The following NPIPB4 variants were observed in gnomAD, a reference collection of about 807,000 sequenced individuals.
The protein encoded by NPIPB4 is nuclear pore complex interacting protein family member B4, also known as nuclear pore complex-interacting protein family member B4.
For synonymous variants in NPIPB4, 31 were observed against 194.1 expected, an observed-to-expected ratio of 0.16 and a Z score of 6.99; for missense variants, 105 against 513.7, an observed-to-expected ratio of 0.20 and a Z score of 7.69.
intron 2 of NPIPB4, among the ~76,000 whole-genome samples, chr16:21,850,391 G>A (rs1279751967): frequency 5.3e-5 from 8 of 151,492 alleles, no homozygotes; most frequent in Non-Finnish European, 7.4e-5. Context: ...GGTGGCTCAC[G>A]CCTGTAATCC....
At chr16:21,850,756 G>T (rs1378650589) in intron 2 of NPIPB4, among the ~76,000 whole-genome samples, 2 of 84,086 alleles carry the variant, frequency 2.4e-5, no homozygotes, top group East Asian at 4.0e-4. Flanking sequence ...CATTTTCTTT[G>T]TTAAAAACAA....
Position 21,843,600 on chromosome 16 carries a change from A to AGG in NPIPB4, c.350-20_350-19insCC. The AGG allele has an allele frequency of 1.3e-5, 3 of 236,144 alleles. No homozygotes were observed. Among genetic ancestry groups the AGG allele is most frequent in the Non-Finnish European group, 1.7e-5 (2 of 118,072 alleles). The allele number at this position is 236,144 out of a possible 1,614,324, so 14.6% of individuals were successfully genotyped here. A position where few individuals can be genotyped will look rare whatever the true frequency, so the allele number is the denominator to read the frequency against. On this transcript the variant is annotated intron_variant, in intron 4 of 7. Coordinates refer to ENST00000682606, the MANE Select transcript of NPIPB4 (RefSeq NM_001384980.1). Reference sequence around the variant, plus strand: ...CTCAGCCCTTGGTGAGAGTGAGGAGAAGAGAAGGTGAGAAACCTGAGGGCA... The same window carrying AGG: ...CTCAGCCCTTGGTGAGAGTGAGGAGAGGAGAGAAGGTGAGAAACCTGAGGGCA...
intron 2 of NPIPB4, among the ~76,000 whole-genome samples, chr16:21,850,302 G>A (rs1902389897): frequency 1.3e-5 from 2 of 148,582 alleles, no homozygotes; most frequent in Non-Finnish European, 3.0e-5. Flanking sequence ...GATCTTGAAA[G>A]GGGGTTGGTT....
Position 21,847,413 on chromosome 16 carries a change from C to A in NPIPB4, c.249G>T (p.Trp83Cys), listed in dbSNP as rs1902160054. 1.3e-6 allele frequency: 2 copies of A among 1,575,402 alleles called. No individual in the cohort carries two copies. The highest frequency in any genetic ancestry group is 1.1e-5 in the South Asian group (1 of 87,228). Residue 83 changes from tryptophan to cysteine, a missense_variant and splice_region_variant, in exon 3 of 8, where the codon TGG becomes TGT. Coordinates refer to ENST00000682606, the MANE Select transcript of NPIPB4 (RefSeq NM_001384980.1). ...CTCTACAGAAAGTTAGTATACTCAC[C>A]CAAAGGTAAACTATCCAGAGGGTAA... ...VVITLWIVYL[W>C]VSLLKTIFWS...
At chr16:21,856,124 C>G (rs1339618987) in intron 2 of NPIPB4, among the ~76,000 whole-genome samples, 2 of 240 alleles carry the variant, frequency 8.3e-3, no homozygotes. Flanking sequence ...ACTAAGAATA[C>G]AAAAATTAGC....
rs768303069 is a variant in NPIPB4 at position 21,837,422 on chromosome 16, G to A, written c.965C>T (p.Thr322Ile). The A allele has an allele frequency of 5.1e-5, 75 of 1,475,616 alleles. 6 individuals carry two copies. The highest frequency in any genetic ancestry group is 6.1e-5 in the Non-Finnish European group (70 of 1,138,654). 91.4% of individuals were successfully genotyped at this position (1,475,616 alleles called of 1,614,324 possible). The part of the protein sequence containing the change: ...LPPSADDNLK[T>I]PPECLLTPLP... ...GGGAGTGAGGAGACACTCAGGAGGT[G>A]TCTTGAGATTATCATCCGCTGAGGG... Residue 322 changes from threonine (T) to isoleucine (I), a missense_variant, in exon 8 of 8, where the codon ACA becomes ATA. Thr to Ile is a moderately conservative substitution (Grantham distance 89). Coordinates refer to ENST00000682606, the MANE Select transcript of NPIPB4 (RefSeq NM_001384980.1).
chr16:21,841,733 AG>A (rs1901803035), intron 5 of NPIPB4, among the ~76,000 whole-genome samples: 1 of 138,890 alleles, frequency 7.2e-6, no homozygotes, highest in Non-Finnish European at 1.5e-5. Flanking sequence ...ATGGAGAAGA[AG>A]GAAACCCAGG....
In NPIPB4 at chr16:21,836,644, C is replaced by G; in HGVS notation, c.1743G>C (p.Glu581Asp). The change falls in exon 8 of 8, where the codon GAG (glutamate) becomes GAC (aspartate). Residue 581 changes from glutamate to aspartate, a missense_variant. Physicochemically the swap from Glu to Asp is conservative, Grantham distance 45. Transcript: ENST00000682606. The stretch of plus-strand genomic sequence containing the variant: ...AGGGTGGAAGCGGCCCCCGCAGACG[C>G]TCGGCAGGTGTCTTGATATTATCAT... ...SADDNIKTPAERLRGPLPPSA... is the reference protein window; with the variant it reads ...SADDNIKTPADRLRGPLPPSA... 3.4e-6 allele frequency: 1 copy of G among 294,218 alleles called. No individual in the cohort carries two copies. 18.2% of individuals were successfully genotyped at this position (294,218 alleles called of 1,614,324 possible).
chr16:21,841,963 G>C (rs1427158250), intron 5 of NPIPB4, among the ~76,000 whole-genome samples: 2 of 151,652 alleles, frequency 1.3e-5, no homozygotes, highest in Non-Finnish European at 2.9e-5. Flanking sequence ...GAATAAAGGT[G>C]GACAGGAAAT....
At chr16:21,852,165 AC>A (rs1411432850) in intron 2 of NPIPB4, 1 of 641,358 alleles carries the variant, frequency 1.6e-6, no homozygotes, top group Non-Finnish European at 2.6e-6. Context: ...CAATCAAATC[AC>A]ACAGCATGTT....
rs1597908464 is a variant in NPIPB4, at chr16:21,837,447, G to T, written c.940C>A (p.Pro314Thr). ...GTCTTGAGATTATCATCCGCTGAGG[G>T]TGGAAGGGGAGTGAGCACACACTCG... is the stretch of plus-strand genomic sequence containing the variant. Reference protein sequence around the residue: ...PPECVLTPLPPSADDNLKTPP... With the variant: ...PPECVLTPLPTSADDNLKTPP... The change falls in exon 8 of 8, where the codon CCC (proline) becomes ACC (threonine). Residue 314 changes from proline (P) to threonine (T), a missense_variant. Pro to Thr is a conservative substitution (Grantham distance 38). Transcript: ENST00000682606. 7.0e-7 allele frequency: 1 copy of T among 1,430,984 alleles called. No individual in the cohort carries two copies. Among genetic ancestry groups the T allele is most frequent in the Non-Finnish European group, 9.1e-7 (1 of 1,103,420 alleles). The allele number at this position is 1,430,984 out of a possible 1,614,324, so 88.6% of individuals were successfully genotyped here.
Position 21,836,376 on chromosome 16 carries a change from T to A in NPIPB4, c.2011A>T (p.Ile671Leu), listed in dbSNP as rs1201655829. ...CGFRFHHQPM[I>L]ISRHLPSVSS... ...ACGCTCGGAAGGTGTCTTGAGATTA[T>A]CATCGGCTGATGGTGGAAGCGGAAT... Residue 671 changes from isoleucine (I) to leucine (L), a missense_variant, in exon 8 of 8, where the codon ATA becomes TTA. Physicochemically the swap from Ile to Leu is conservative, Grantham distance 5. Coordinates refer to ENST00000682606, the MANE Select transcript of NPIPB4 (RefSeq NM_001384980.1). 1.2e-6 allele frequency: 1 copy of A among 843,274 alleles called. No homozygotes were observed. The highest frequency in any genetic ancestry group is 1.8e-6 in the Non-Finnish European group (1 of 565,956). The allele number at this position is 843,274 out of a possible 1,614,324, so 52.2% of individuals were successfully genotyped here. A position where few individuals can be genotyped will look rare whatever the true frequency, so the allele number is the denominator to read the frequency against.
intron 2 of NPIPB4, among the ~76,000 whole-genome samples, chr16:21,850,587 G>A (rs1418444276): frequency 7.2e-6 from 1 of 138,280 alleles, no homozygotes. Flanking sequence ...CAGGACAATT[G>A]CTTGAACCCC....
chr16:21,835,909 C>G lies in NPIPB4; in HGVS notation c.2478G>C (p.Pro826=). The G allele has an allele frequency of 3.3e-6, 4 of 1,229,870 alleles. No homozygotes were observed. Among genetic ancestry groups the G allele is most frequent in the Non-Finnish European group, 3.2e-6 (3 of 937,464 alleles). 76.2% of individuals were successfully genotyped at this position (1,229,870 alleles called of 1,614,324 possible). A position where few individuals can be genotyped will look rare whatever the true frequency, so the allele number is the denominator to read the frequency against. Residue 826 remains proline (P), a synonymous_variant, in exon 8 of 8, where the codon CCG becomes CCC. Coordinates refer to ENST00000682606, the MANE Select transcript of NPIPB4 (RefSeq NM_001384980.1). ...PQQMIISRHL[P]SVCGERLRGP... Reference sequence around the variant, plus strand: ...CCCGCAGACGCTCCCCGCAGACGCTCGGCAGGTGTCTTGATATTATCATCT... The same window carrying G: ...CCCGCAGACGCTCCCCGCAGACGCTGGGCAGGTGTCTTGATATTATCATCT...
chr16:21,839,985 T>A, intron 5 of NPIPB4: 1 of 13,558 alleles, frequency 7.4e-5, no homozygotes, highest in Non-Finnish European at 1.3e-4. Flanking sequence ...ACAGGCATAG[T>A]CCTTTTGAAG....
At chr16:21,850,811 G>A (rs2141879340) in intron 2 of NPIPB4, among the ~76,000 whole-genome samples, 1 of 45,310 alleles carries the variant, frequency 2.2e-5, no homozygotes, top group African/African-American at 1.1e-4. Flanking sequence ...TCCAGCTCCT[G>A]GGCCCAAGCG....
chr16:21,850,516 G>T (rs1902422072), intron 2 of NPIPB4, among the ~76,000 whole-genome samples: 1 of 151,766 alleles, frequency 6.6e-6, no homozygotes, highest in African/African-American at 2.4e-5. Context: ...AGGCGTGGTG[G>T]TCTACTAAAA....
At chr16:21,840,572 GA>G (rs1901681507) in intron 5 of NPIPB4, among the ~76,000 whole-genome samples, 1 of 148,608 alleles carries the variant, frequency 6.7e-6, no homozygotes, top group South Asian at 2.2e-4. Context: ...TCTCACAACC[GA>G]AGGGAGAATT....
At chr16:21,840,446 GAA>G (rs1901666655) in intron 5 of NPIPB4, among the ~76,000 whole-genome samples, 2 of 144,340 alleles carry the variant, frequency 1.4e-5, no homozygotes. Context: ...AGAAGGGAGA[GAA>G]ATGCACACAC....
Sources: allele counts gnomAD v4.1 joint callset (sites outside exome capture counted in the v4.1 genomes callset), GRCh38; gene constraint gnomAD v4.1.1; transcripts MANE v1.5; gene names NCBI Gene and HGNC (gene_info 2026-07-23, HGNC 2026-07-21).